The following HK2 variants were observed in gnomAD, a reference collection of about 807,000 sequenced individuals.
The protein encoded by HK2 is hexokinase-2.
Under a neutral mutation model 92.9 loss-of-function variants are expected in HK2, and 42 were observed. That is an observed-to-expected ratio of 0.45 (90% CI 0.35 to 0.58). HK2 has a LOEUF of 0.58. HK2 is among the 20% of genes least tolerant of loss of function. The pLI, the probability that HK2 is intolerant of heterozygous loss-of-function variation, is 0.00. For synonymous variants in HK2, 422 were observed against 468.0 expected, an observed-to-expected ratio of 0.90 and a Z score of 1.27; for missense variants, 978 against 1,245.1, an observed-to-expected ratio of 0.79 and a Z score of 3.23.
rs1689150398 is a variant in HK2, at chr2:74,873,498, C to T, written c.591+127C>T. The T allele has an allele frequency of 4.5e-6, 3 of 663,204 alleles. No homozygotes were observed. The Admixed American group carries it at 8.3e-5, about 18-fold the overall frequency. 41.1% of individuals were successfully genotyped at this position (663,204 alleles called of 1,614,324 possible). ...TTAAGGAGAGTTCTCTTTTCCCTGA[C>T]ACATGTACTCAATAATTTTGTATGC... On this transcript the variant is annotated intron_variant, in intron 5 of 17. Transcript: ENST00000290573.
At chr2:74,872,567 G>T (rs28363003) in intron 4 of HK2, 148 bp downstream of exon 4, 1 of 626,694 alleles carries the variant, frequency 1.6e-6, no homozygotes. Flanking sequence ...TGTGTATGTC[G>T]ATGGGGGGGC....
chr2:74,843,703 CCCTT>C (rs1688368822), intron 1 of HK2, among the ~76,000 whole-genome samples: 1 of 152,202 alleles, frequency 6.6e-6, no homozygotes, highest in African/African-American at 2.4e-5. Flanking sequence ...TTTTCCCAAT[CCCTT>C]CCTTCTGGCA....
At chr2:74,885,683 C>A in intron 13 of HK2, 94 bp downstream of exon 13, 1 of 864,078 alleles carries the variant, frequency 1.2e-6, no homozygotes, top group Non-Finnish European at 2.0e-6. Flanking sequence ...GTAAGTGTGG[C>A]TGCATGGGTT....
chr2:74,854,557 C>A lies in HK2; in HGVS notation c.226+102C>A, dbSNP rs900740871. 8 of 1,266,192 alleles carry A rather than the reference C, an allele frequency of 6.3e-6. No individual in the cohort carries two copies. The South Asian group carries it at 8.5e-5, about 13-fold the overall frequency. The allele number at this position is 1,266,192 out of a possible 1,614,324, so 78.4% of individuals were successfully genotyped here. On this transcript the variant is annotated intron_variant, in intron 2 of 17. Coordinates refer to ENST00000290573, the MANE Select transcript of HK2 (RefSeq NM_000189.5). Reference sequence around the variant, plus strand: ...TAACTCAAAAGCCTCAGAAACCAACCCTGGCTAAGGGAAGCATCCAGGGAA... The same window carrying A: ...TAACTCAAAAGCCTCAGAAACCAACACTGGCTAAGGGAAGCATCCAGGGAA...
intron 7 of HK2, among the ~76,000 whole-genome samples, chr2:74,875,104 TA>T (rs1689193278): frequency 6.6e-6 from 1 of 152,218 alleles, no homozygotes; most frequent in Non-Finnish European, 1.5e-5. Context: ...TACAAAACCT[TA>T]TTTCACCCTC....
intron 2 of HK2, among the ~76,000 whole-genome samples, chr2:74,857,047 A>G (rs1406229113): frequency 6.6e-6 from 1 of 152,210 alleles, no homozygotes; most frequent in Non-Finnish European, 1.5e-5. Context: ...TGCACCTTGA[A>G]GCTTGCACTG....
intron 1 of HK2, among the ~76,000 whole-genome samples, chr2:74,850,858 C>T (rs971900852): frequency 3.9e-5 from 6 of 152,322 alleles, no homozygotes; most frequent in African/African-American, 1.4e-4. Flanking sequence ...TTAATTATCC[C>T]TTCCTGAGTG....
At chr2:74,838,956 A>G (rs545714542) in intron 1 of HK2, among the ~76,000 whole-genome samples, 5 of 152,322 alleles carry the variant, frequency 3.3e-5, no homozygotes, top group African/African-American at 1.2e-4. Flanking sequence ...TTCTCTGACC[A>G]TTGACCAAAT....
At chr2:74,879,003 G>A in intron 9 of HK2, 82 bp downstream of exon 9, 2 of 1,199,586 alleles carry the variant, frequency 1.7e-6, no homozygotes, top group South Asian at 2.6e-5. Flanking sequence ...GCTCCATTTT[G>A]CATTTCAGGG....
At chr2:74,842,854 G>C (rs1688349242) in intron 1 of HK2, among the ~76,000 whole-genome samples, 2 of 152,264 alleles carry the variant, frequency 1.3e-5, no homozygotes, top group Non-Finnish European at 2.9e-5. Context: ...TCCTTGCGAT[G>C]TCGCAGGAGA....
chr2:74,840,878 C>CAAAAAAAAA (rs56344068), intron 1 of HK2, among the ~76,000 whole-genome samples: 14 of 55,966 alleles, frequency 2.5e-4, no homozygotes, highest in African/African-American at 1.1e-3. Context: ...GACTCTGTCT[C>CAAAAAAAAA]AAAAAAAAAA....
In HK2 at chr2:74,834,299, T is replaced by G. The variant is rs563650331; in HGVS notation, c.-282T>G. ...CTCAAGTTGAGCCTCAGTGATCCTGTGGCCGAAGTTAGCGCCTTGACGTGG... is the reference window on the plus strand; with the variant it reads ...CTCAAGTTGAGCCTCAGTGATCCTGGGGCCGAAGTTAGCGCCTTGACGTGG... On this transcript the variant is annotated 5_prime_UTR_variant, in exon 1 of 18. Coordinates refer to ENST00000290573, the MANE Select transcript of HK2 (RefSeq NM_000189.5). The surrounding 1 kb of genome is among the most constrained non-coding windows in gnomAD (Gnocchi z 4.2). The G allele has an allele frequency of 7.9e-3, 4,148 of 525,504 alleles. 32 individuals carry two copies. The highest frequency in any genetic ancestry group is 0.011 in the Non-Finnish European group (3,283 of 288,922). The allele number at this position is 525,504 out of a possible 1,614,324, so 32.6% of individuals were successfully genotyped here.
intron 2 of HK2, among the ~76,000 whole-genome samples, chr2:74,866,328 A>G: frequency 6.6e-6 from 1 of 152,150 alleles, no homozygotes; most frequent in African/African-American, 2.4e-5. Flanking sequence ...AAAGGGGTTG[A>G]GTGTTGACAA....
Position 74,893,316 on chromosome 2 carries a change from T to C in HK2, c.*2375T>C, listed in dbSNP as rs1689728132. On this transcript the variant is annotated 3_prime_UTR_variant, in exon 18 of 18. Transcript: ENST00000290573. ...AACTAGTTTAATTAACTATGTGATG[T>C]TAACTATTATTAATAAATTTTAACA... 6.6e-6 allele frequency: 1 copy of C among 152,214 alleles called. No homozygotes were observed. The allele number at this position is 152,214 out of a possible 1,614,324, so 9.4% of individuals were successfully genotyped here. A position where few individuals can be genotyped will look rare whatever the true frequency, so the allele number is the denominator to read the frequency against.
At chr2:74,841,470 C>T (rs1383217497) in intron 1 of HK2, among the ~76,000 whole-genome samples, 1 of 152,130 alleles carries the variant, frequency 6.6e-6, no homozygotes, top group Non-Finnish European at 1.5e-5. Context: ...TCCATCCCTG[C>T]CACCCCCTTC....
intron 1 of HK2, among the ~76,000 whole-genome samples, chr2:74,842,414 G>A (rs777936926): frequency 2.0e-5 from 3 of 152,184 alleles, no homozygotes; most frequent in Non-Finnish European, 2.9e-5. Flanking sequence ...TTAGGTGTAC[G>A]AAATGCATTT....
rs141874180 is a variant in HK2, at chr2:74,890,798, T to C, written c.2611T>C (p.Phe871Leu). 3 of 1,614,066 alleles carry C rather than the reference T, an allele frequency of 1.9e-6. No individual in the cohort carries two copies. Among genetic ancestry groups the C allele is most frequent in the East Asian group, 2.2e-5 (1 of 44,892 alleles). The change falls in exon 18 of 18, where the codon TTT becomes CTT. Residue 871 changes from phenylalanine to leucine, a missense_variant and splice_region_variant. Physicochemically the swap from Phe to Leu is conservative, Grantham distance 22 (BLOSUM62 0). Transcript: ENST00000290573. ...DGTLYKLHPH[F>L]AKVMHETVKD... ...GTGTCTTCCTCCCACCTTTTCCAGC[T>C]TTGCCAAAGTCATGCATGAGACAGT... is the stretch of plus-strand genomic sequence containing the variant.
intron 1 of HK2, among the ~76,000 whole-genome samples, chr2:74,852,911 C>T (rs28362977): frequency 0.028 from 4,198 of 152,272 alleles, 171 homozygotes; most frequent in African/African-American, 0.094. Context: ...CAAAGGTGAA[C>T]AAGCAGACAT....
intron 4 of HK2, 37 bp from the exon 5 acceptor site, chr2:74,873,239 G>C (rs945309200): frequency 6.7e-7 from 1 of 1,494,794 alleles, no homozygotes; most frequent in African/African-American, 1.4e-5. Flanking sequence ...TTCAGTTTTA[G>C]TGGGAAATCA....
Sources: allele counts gnomAD v4.1 joint callset (sites outside exome capture counted in the v4.1 genomes callset), GRCh38; gene constraint gnomAD v4.1.1; non-coding constraint Gnocchi (gnomAD v3.1); transcripts MANE v1.5; gene names NCBI Gene and HGNC (gene_info 2026-07-23, HGNC 2026-07-21).